The following PC variants were observed in gnomAD, a reference collection of about 807,000 sequenced individuals.
PC encodes pyruvate carboxylase, mitochondrial.
In PC, 46 loss-of-function variants were observed where a neutral mutation model predicts 107.8. That is an observed-to-expected ratio of 0.43 (90% CI 0.34 to 0.55). The LOEUF is 0.55. Ranked by LOEUF, PC falls within the 20% of genes least tolerant of loss-of-function variation. PC has a pLI of 0.04. For missense variants in PC, 1,241 were observed against 1,643.1 expected (o/e 0.76, Z 4.23); for synonymous variants, 662 against 684.7 (o/e 0.97, Z 0.52).
intron 3 of PC, among the ~76,000 whole-genome samples, chr11:66,940,789 C>T (rs1949111089): frequency 6.6e-6 from 1 of 151,932 alleles, no homozygotes; most frequent in South Asian, 2.1e-4. Flanking sequence ...CCAATAAGCA[C>T]ATCACAAGAT....
At chr11:66,860,681 TG>T in intron 12 of PC, 1 of 701,362 alleles carries the variant, frequency 1.4e-6, no homozygotes, top group Non-Finnish European at 2.6e-6. Context: ...TGCAAGAGCA[TG>T]GGCTTGGGCA....
At chr11:66,901,858 G>A (rs1017503461) in intron 3 of PC, among the ~76,000 whole-genome samples, 3 of 152,176 alleles carry the variant, frequency 2.0e-5, no homozygotes, top group African/African-American at 7.2e-5. Context: ...AACTTCCCTT[G>A]TTGGGTGTCT....
intron 3 of PC, among the ~76,000 whole-genome samples, chr11:66,896,446 A>C (rs1947764474): frequency 6.6e-6 from 1 of 152,250 alleles, no homozygotes; most frequent in African/African-American, 2.4e-5. Flanking sequence ...AAGAAAAGGC[A>C]AAGGTCTTTG....
chr11:66,905,312 G>C (rs1948124237), intron 3 of PC, among the ~76,000 whole-genome samples: 1 of 152,232 alleles, frequency 6.6e-6, no homozygotes, highest in Admixed American at 6.5e-5. Flanking sequence ...CTTAGCAAGG[G>C]TGCCAACGCC....
rs1945573880 is a variant in PC, at chr11:66,852,685, C to T, written c.1604-25G>A. 1.9e-6 allele frequency: 3 copies of T among 1,611,626 alleles called. No homozygotes were observed. Among genetic ancestry groups the T allele is most frequent in the African/African-American group, 1.3e-5 (1 of 74,998 alleles). ...CCTAGGGTAGACAGGGGCATTGGTG[C>T]CCATCCTGCAGGTGGCAACCTCCTG... On this transcript the variant is annotated intron_variant, in intron 14 of 22. Coordinates refer to ENST00000393960, the MANE Select transcript of PC (RefSeq NM_001040716.2). This position sits in a 1 kb window ranked among gnomAD's most constrained non-coding sequence, Gnocchi z 4.7.
At chr11:66,919,439 G>A (rs115529929) in intron 3 of PC, among the ~76,000 whole-genome samples, 1,994 of 152,238 alleles carry the variant, frequency 0.013, 47 homozygotes, top group African/African-American at 0.046. Context: ...TTATCCCTTC[G>A]CCCACACCCT....
intron 3 of PC, among the ~76,000 whole-genome samples, chr11:66,942,657 G>C (rs1187760951): frequency 6.6e-6 from 1 of 152,138 alleles, no homozygotes; most frequent in Non-Finnish European, 1.5e-5. Context: ...TCTGCAGATA[G>C]TGGTGATGGT....
chr11:66,860,414 G>A (rs1224517609), intron 12 of PC: 1 of 723,036 alleles, frequency 1.4e-6, no homozygotes, highest in Non-Finnish European at 2.5e-6. Context: ...CCGAGGCAGG[G>A]GCTGCAGCCA....
chr11:66,931,597 A>G (rs1260482448), intron 3 of PC, among the ~76,000 whole-genome samples: 1 of 151,876 alleles, frequency 6.6e-6, no homozygotes, highest in East Asian at 1.9e-4. Context: ...GAAGAAAAAA[A>G]AACATGCAAT....
intron 3 of PC, among the ~76,000 whole-genome samples, chr11:66,952,066 C>T (rs187968828): frequency 8.5e-5 from 13 of 152,300 alleles, no homozygotes; most frequent in Admixed American, 7.9e-4. Flanking sequence ...AGAACCACCT[C>T]ACACCACAGC....
chr11:66,881,975 C>G (rs1305252319), intron 3 of PC, among the ~76,000 whole-genome samples: 1 of 151,846 alleles, frequency 6.6e-6, no homozygotes, highest in East Asian at 1.9e-4. Flanking sequence ...AACCAAAAAC[C>G]CCACTTCTGA....
At chr11:66,938,272 G>C (rs1949047310) in intron 3 of PC, among the ~76,000 whole-genome samples, 1 of 152,068 alleles carries the variant, frequency 6.6e-6, no homozygotes, top group South Asian at 2.1e-4. Context: ...ATTGTTGCAA[G>C]CCTTTGGTTA....
In PC at chr11:66,872,034, C is replaced by T; in HGVS notation, c.126G>A (p.Val42=). 1 of 1,561,074 alleles carries T rather than the reference C, an allele frequency of 6.4e-7. No individual in the cohort carries two copies. The highest frequency in any genetic ancestry group is 1.2e-5 in the South Asian group (1 of 84,902). Residue 42 remains valine (V), a synonymous_variant, in exon 4 of 23, where the codon GTG becomes GTA. Transcript: ENST00000393960. ...LEYKPIKKVM[V]ANRGEIAIRV... is the part of the protein sequence containing the mutation. ...CCCACTGGTGCTCACCTCTGTTGGC[C>T]ACCATGACTTTCTTGATGGGCTTAT...
At position 66,866,771 on chromosome 11, in the gene PC, G is replaced by T. The variant is rs966210687; in HGVS notation, c.1023-422C>A. 2.0e-5 allele frequency among the ~76,000 whole-genome samples: 3 copies of T among 152,210 alleles called. No individual in the cohort carries two copies. The highest frequency in any genetic ancestry group is 7.2e-5 in the African/African-American group (3 of 41,436). On this transcript the variant is annotated intron_variant, in intron 10 of 22. Coordinates refer to ENST00000393960, the MANE Select transcript of PC (RefSeq NM_001040716.2). The surrounding 1 kb of genome is among the most constrained non-coding windows in gnomAD (Gnocchi z 5.4). ...GCAGATCTCTAGGTCAGAGGGCCAGGATAGCACATTCTTGGGGCCATATGT... is the reference window on the plus strand; with the variant it reads ...GCAGATCTCTAGGTCAGAGGGCCAGTATAGCACATTCTTGGGGCCATATGT...
intron 3 of PC, among the ~76,000 whole-genome samples, chr11:66,947,055 A>T (rs1283883072): frequency 1.3e-5 from 2 of 152,232 alleles, no homozygotes; most frequent in African/African-American, 4.8e-5. Flanking sequence ...AATGTAAAAT[A>T]CTACAACCAC....
intron 3 of PC, among the ~76,000 whole-genome samples, chr11:66,929,195 G>C (rs983455299): frequency 6.6e-6 from 1 of 152,106 alleles, no homozygotes; most frequent in African/African-American, 2.4e-5. Flanking sequence ...ATATGAGTCA[G>C]ATTTCCAGGC....
intron 3 of PC, among the ~76,000 whole-genome samples, chr11:66,933,998 CCA>C (rs1477962054): frequency 3.3e-5 from 5 of 152,192 alleles, no homozygotes; most frequent in Non-Finnish European, 1.5e-5. Context: ...CCTGAGGATT[CCA>C]CAGTGATCAA....
intron 3 of PC, among the ~76,000 whole-genome samples, chr11:66,936,173 A>G (rs1948997652): frequency 6.6e-6 from 1 of 151,492 alleles, no homozygotes; most frequent in Non-Finnish European, 1.5e-5. Context: ...GCTTGAGCCC[A>G]GGAGGTGGAG....
intron 12 of PC, among the ~76,000 whole-genome samples, chr11:66,854,760 G>A (rs1372776393): frequency 1.3e-5 from 2 of 152,184 alleles, no homozygotes; most frequent in Non-Finnish European, 2.9e-5. Context: ...TTACCTGGAG[G>A]CCTGGACAGG....
Sources: allele counts gnomAD v4.1 joint callset (sites outside exome capture counted in the v4.1 genomes callset), GRCh38; gene constraint gnomAD v4.1.1; non-coding constraint Gnocchi (gnomAD v3.1); transcripts MANE v1.5; gene names NCBI Gene and HGNC (gene_info 2026-07-23, HGNC 2026-07-21).